Variants in RHOT1 observed in about 807,000 individuals in gnomAD.
The protein encoded by RHOT1 is mitochondrial Rho GTPase 1.
A neutral mutation model predicts 95.3 loss-of-function variants in RHOT1; 27 were observed. The ratio of observed to expected loss-of-function variants is 0.28; its 90% CI spans 0.21 to 0.39. RHOT1 has a LOEUF of 0.39. Among genes scored for constraint, RHOT1 ranks in the 10% least tolerant of loss-of-function variants. RHOT1 has a pLI of 1.00. For missense variants in RHOT1, 578 were observed against 786.7 expected, an observed-to-expected ratio of 0.73 and a Z score of 3.17; for synonymous variants, 227 against 263.5, an observed-to-expected ratio of 0.86 and a Z score of 1.34.
intron 19 of RHOT1, among the ~76,000 whole-genome samples, chr17:32,224,167 T>C (rs1274194386): frequency 6.6e-6 from 1 of 152,246 alleles, no homozygotes; most frequent in East Asian, 1.9e-4. Context: ...AGAAAAGTAT[T>C]GTCACTTGTC....
rs572374118 is a variant in RHOT1 at position 32,225,087 on chromosome 17, C to A, written c.*354C>A. The A allele has an allele frequency of 1.5e-4, 24 of 161,518 alleles. 2 individuals carry two copies. The South Asian group carries it at 3.7e-3, about 25-fold the overall frequency. The allele number at this position is 161,518 out of a possible 1,614,324, so 10.0% of individuals were successfully genotyped here. On this transcript the variant is annotated 3_prime_UTR_variant, in exon 20 of 20. Coordinates refer to ENST00000545287, the MANE Select transcript of RHOT1 (RefSeq NM_001033566.3). ...GTTAGTGCTCACTTGGCTCACTCTT[C>A]TAGGTTTAAGTTAGCCCAGAGATTG...
At chr17:32,198,300 A>G (rs2037055070) in intron 11 of RHOT1, among the ~76,000 whole-genome samples, 1 of 152,228 alleles carries the variant, frequency 6.6e-6, no homozygotes. Context: ...TCATTACAAT[A>G]TTGGAATTAA....
intron 16 of RHOT1, among the ~76,000 whole-genome samples, chr17:32,204,789 A>G (rs1300099814): frequency 6.6e-6 from 1 of 151,764 alleles, no homozygotes; most frequent in Non-Finnish European, 1.5e-5. Flanking sequence ...GGAGTTCGAG[A>G]CCAGCCTGGC....
rs190612682 is a variant in RHOT1, at chr17:32,172,102, C to T, written c.96+1001C>T. On this transcript the variant is annotated intron_variant, in intron 2 of 19. Coordinates refer to ENST00000545287, the MANE Select transcript of RHOT1 (RefSeq NM_001033566.3). ...CATTAGTGTCACAGTTTACATTTAT[C>T]CTTCCTTTACTCTAGTTTAGATAGG... Among the ~76,000 whole-genome samples, 3 of 152,280 alleles carry T rather than the reference C, an allele frequency of 2.0e-5. No homozygotes were observed. The East Asian group carries it at 5.8e-4, about 29-fold the overall frequency.
intron 8 of RHOT1, among the ~76,000 whole-genome samples, chr17:32,189,199 T>C (rs982967298): frequency 5.9e-5 from 9 of 152,044 alleles, no homozygotes; most frequent in African/African-American, 2.2e-4. Flanking sequence ...CTTAGGAGGC[T>C]GAGGCAGGAG....
At chr17:32,163,052 A>G (rs1487200535) in intron 1 of RHOT1, among the ~76,000 whole-genome samples, 1 of 152,174 alleles carries the variant, frequency 6.6e-6, no homozygotes, top group East Asian at 1.9e-4. Context: ...GAGATTAGGT[A>G]GGTGAGCTAG....
chr17:32,182,689 G>T, intron 6 of RHOT1, 68 bp from the exon 7 acceptor site: 3 of 915,950 alleles, frequency 3.3e-6, no homozygotes, highest in South Asian at 1.7e-5. Context: ...AATGGGTTAT[G>T]ATATAAATTA....
chr17:32,214,263 G>GT (rs1382577374), intron 19 of RHOT1, among the ~76,000 whole-genome samples: 4 of 152,188 alleles, frequency 2.6e-5, no homozygotes, highest in Admixed American at 2.6e-4. Flanking sequence ...GGTGGGGACT[G>GT]TGACAGGCAC....
chr17:32,150,488 G>T, intron 1 of RHOT1: 1 of 1,136,670 alleles, frequency 8.8e-7, no homozygotes, highest in South Asian at 1.5e-5. Context: ...CTGTCTGTTA[G>T]ACTGTAGTCT....
chr17:32,218,703 A>G (rs2038644011), intron 19 of RHOT1, among the ~76,000 whole-genome samples: 1 of 151,740 alleles, frequency 6.6e-6, no homozygotes, highest in Non-Finnish European at 1.5e-5. Flanking sequence ...GGTCCCAGCT[A>G]CATGGGAGGC....
In RHOT1 at chr17:32,165,978, A is replaced by C. The variant is rs544182050; in HGVS notation, c.38-5065A>C. The stretch of plus-strand genomic sequence containing the variant: ...GATGGGCGGATCTCCTGAGACCAGG[A>C]GTTTGAGACCTGCATGGCCAACAAG... On this transcript the variant is annotated intron_variant, in intron 1 of 19. Transcript: ENST00000545287. 3.3e-5 allele frequency among the ~76,000 whole-genome samples: 5 copies of C among 152,218 alleles called. No individual in the cohort carries two copies. In the East Asian group the frequency reaches 9.7e-4, roughly 29 times the overall value.
chr17:32,183,425 C>T (rs779132730), intron 8 of RHOT1, among the ~76,000 whole-genome samples, 153 bp downstream of exon 8: 7 of 152,158 alleles, frequency 4.6e-5, no homozygotes, highest in Non-Finnish European at 7.3e-5. Flanking sequence ...TACTCTTCTT[C>T]AATGACATTC....
chr17:32,193,955 T>A, intron 10 of RHOT1, 32 bp from the exon 11 acceptor site: 1 of 1,609,498 alleles, frequency 6.2e-7, no homozygotes, highest in Non-Finnish European at 8.5e-7. Context: ...TGTGACTCTG[T>A]ACACTTTATT....
intron 6 of RHOT1, chr17:32,179,787 C>G (rs1289831224): frequency 6.0e-5 from 9 of 151,144 alleles, no homozygotes; most frequent in African/African-American, 2.2e-4. Flanking sequence ...CCCGGCCACC[C>G]CGTCTGGGAA....
At chr17:32,208,732 TG>T in intron 18 of RHOT1, 1 of 162,118 alleles carries the variant, frequency 6.2e-6, no homozygotes, top group South Asian at 1.7e-4. Flanking sequence ...TAATTTATGT[TG>T]AAATTGTGGG....
intron 19 of RHOT1, chr17:32,222,833 A>G (rs2038915383): frequency 2.0e-6 from 2 of 985,624 alleles, no homozygotes; most frequent in South Asian, 9.4e-5. Context: ...CACCAGGTGC[A>G]TGCTGTCAGC....
At chr17:32,180,773 A>G (rs1236659771) in intron 6 of RHOT1, among the ~76,000 whole-genome samples, 2 of 151,556 alleles carry the variant, frequency 1.3e-5, no homozygotes, top group Admixed American at 6.6e-5. Context: ...GGACCACTGA[A>G]TTAAACAATT....
At chr17:32,193,319 G>C in intron 10 of RHOT1, 75 bp downstream of exon 10, 1 of 868,998 alleles carries the variant, frequency 1.2e-6, no homozygotes, top group South Asian at 1.4e-5. Context: ...GGTCTTTATT[G>C]CATTATTTAT....
chr17:32,206,989 G>A lies in RHOT1; in HGVS notation c.1496G>A (p.Ser499Asn), dbSNP rs769222175. ...GTTGTATGCCTGGTATATGATGTCAGCAATCCCAAATCCTTTGAATACTGT... is the reference window on the plus strand; with the variant it reads ...GTTGTATGCCTGGTATATGATGTCAACAATCCCAAATCCTTTGAATACTGT... ...CDVVCLVYDV[S>N]NPKSFEYCAR... Residue 499 changes from serine (S) to asparagine (N), a missense_variant, in exon 17 of 20, where the codon AGC becomes AAC. Coordinates refer to ENST00000545287, the MANE Select transcript of RHOT1 (RefSeq NM_001033566.3). The A allele has an allele frequency of 1.2e-5, 19 of 1,612,856 alleles. No individual in the cohort carries two copies. The highest frequency in any genetic ancestry group is 1.6e-5 in the Non-Finnish European group (19 of 1,179,460).
Sources: allele counts gnomAD v4.1 joint callset (sites outside exome capture counted in the v4.1 genomes callset), GRCh38; gene constraint gnomAD v4.1.1; transcripts MANE v1.5; gene names NCBI Gene and HGNC (gene_info 2026-07-23, HGNC 2026-07-21).